The following ARPIN variants were observed in gnomAD, a reference collection of about 807,000 sequenced individuals.
ARPIN encodes the protein actin related protein 2/3 complex inhibitor, also known as UPF0552 protein C15orf38.
ARPIN carries 23 observed loss-of-function variants against 25.9 expected under a neutral mutation model. That is an observed-to-expected ratio of 0.89 (90% CI 0.64 to 1.26). The LOEUF is 1.26. ARPIN is among the 50% of genes most tolerant of loss of function. ARPIN has a pLI of 0.00. For missense variants in ARPIN, 333 were observed against 312.2 expected (o/e 1.07, Z -0.50); for synonymous variants, 126 against 131.4 (o/e 0.96, Z 0.28).
chr15:89,903,989 G>C lies in ARPIN; in HGVS notation c.302-6C>G. ...GTCCCCCTTGGCTTCCACCTCTGCAGGCACAGAGCGCAGGAGGGTCATTAT... is the reference window on the plus strand; with the variant it reads ...GTCCCCCTTGGCTTCCACCTCTGCACGCACAGAGCGCAGGAGGGTCATTAT... On this transcript the variant is annotated splice_region_variant and splice_polypyrimidine_tract_variant and intron_variant, in intron 3 of 5. Coordinates refer to ENST00000357484, the MANE Select transcript of ARPIN (RefSeq NM_182616.4). The C allele has an allele frequency of 6.2e-7, 1 of 1,601,972 alleles. No homozygotes were observed.
At chr15:89,908,531 AAGATGTTCAAGCTAGGC>A in intron 2 of ARPIN, 119 bp from the exon 3 acceptor site, 1 of 1,504,722 alleles carries the variant, frequency 6.6e-7, no homozygotes, top group East Asian at 2.3e-5. Flanking sequence ...TCAGCTCCAA[AAGATGTTCAAGCTAGGC>A]AGATGCTCCC....
At chr15:89,909,616 C>T (rs1278828516) in intron 2 of ARPIN, among the ~76,000 whole-genome samples, 1 of 152,218 alleles carries the variant, frequency 6.6e-6, no homozygotes, top group African/African-American at 2.4e-5. Context: ...CAGTGAGACC[C>T]TCAGAGATGT....
chr15:89,901,828 G>C (rs754353595), intron 5 of ARPIN, 25 bp from the exon 6 acceptor site: 8 of 1,613,444 alleles, frequency 5.0e-6, no homozygotes, highest in East Asian at 4.5e-5. Flanking sequence ...GGGGTAAAGA[G>C]ATGTGGAGAC....
Position 89,901,577 on chromosome 15 carries a change from G to GC in ARPIN, c.*217dup, listed in dbSNP as rs1482057182. 2 of 591,008 alleles carry GC rather than the reference G, an allele frequency of 3.4e-6. No homozygotes were observed. Among genetic ancestry groups the GC allele is most frequent in the Non-Finnish European group, 6.0e-6 (2 of 332,868 alleles). 36.6% of individuals were successfully genotyped at this position (591,008 alleles called of 1,614,324 possible). On this transcript the variant is annotated 3_prime_UTR_variant, in exon 6 of 6. Coordinates refer to ENST00000357484, the MANE Select transcript of ARPIN (RefSeq NM_182616.4). ...AGGCTAGACTCACATGCAGGGAGGG[G>GC]CCCTCCCTGAGCCACAGCATGAGGC...
At chr15:89,903,191 A>T in intron 5 of ARPIN, 25 bp downstream of exon 5, 1 of 1,614,124 alleles carries the variant, frequency 6.2e-7, no homozygotes, top group Non-Finnish European at 8.5e-7. Flanking sequence ...CAGGAGATAC[A>T]ACTGCACCAA....
intron 5 of ARPIN, among the ~76,000 whole-genome samples, chr15:89,902,332 C>T (rs1046084636): frequency 3.5e-4 from 53 of 152,084 alleles, no homozygotes; most frequent in African/African-American, 1.1e-3. Flanking sequence ...TGCTTGAACC[C>T]GGGAGGCAAA....
intron 5 of ARPIN, 75 bp from the exon 6 acceptor site, chr15:89,901,878 CA>C: frequency 6.4e-7 from 1 of 1,569,198 alleles, no homozygotes; most frequent in East Asian, 2.3e-5. Flanking sequence ...ATCAGACAAA[CA>C]AGGGTTCAAT....
At chr15:89,902,949 C>G in intron 5 of ARPIN, 1 of 1,398,044 alleles carries the variant, frequency 7.2e-7, no homozygotes, top group Non-Finnish European at 9.3e-7. Context: ...TGATTAATAT[C>G]CCTCTGCACC....
At position 89,899,208 on chromosome 15, in the gene ARPIN, C is replaced by T. The variant is rs537782426; in HGVS notation, c.*2587G>A. On this transcript the variant is annotated 3_prime_UTR_variant, in exon 6 of 6. Transcript: ENST00000357484. ...AAGAAATTCTCATGCCTCAGCCTCC[C>T]AAGGCGCTGGAACTACAGGCATGTG... 1 of 152,122 alleles carries T rather than the reference C, an allele frequency of 6.6e-6. No individual in the cohort carries two copies. 9.4% of individuals were successfully genotyped at this position (152,122 alleles called of 1,614,324 possible).
chr15:89,912,722 G>C (rs1255608644), intron 1 of ARPIN, 22 bp downstream of exon 1: 2 of 1,083,034 alleles, frequency 1.8e-6, no homozygotes, highest in Middle Eastern at 4.4e-4. Context: ...AGGCCGACCC[G>C]AGGCCGTGAG....
Position 89,896,015 on chromosome 15 carries a change from A to T in ARPIN, c.*5780T>A, listed in dbSNP as rs1250894332. 1.3e-5 allele frequency: 2 copies of T among 152,336 alleles called. No individual in the cohort carries two copies. Among genetic ancestry groups the T allele is most frequent in the Non-Finnish European group, 2.9e-5 (2 of 68,134 alleles). The allele number at this position is 152,336 out of a possible 1,614,324, so 9.4% of individuals were successfully genotyped here. A position where few individuals can be genotyped will look rare whatever the true frequency, so the allele number is the denominator to read the frequency against. Reference sequence around the variant, plus strand: ...ACAATTCTCCTGCTTCAGCCTCCCCAGTAGCTGGGATTACAGGCACATGCC... The same window carrying T: ...ACAATTCTCCTGCTTCAGCCTCCCCTGTAGCTGGGATTACAGGCACATGCC... On this transcript the variant is annotated 3_prime_UTR_variant, in exon 6 of 6. Transcript: ENST00000357484.
intron 2 of ARPIN, 152 bp from the exon 3 acceptor site, chr15:89,908,564 CCCCAAA>C: frequency 7.4e-7 from 1 of 1,356,710 alleles, no homozygotes; most frequent in Non-Finnish European, 9.9e-7. Context: ...CTCCCTCTGC[CCCCAAA>C]TACTTATGCA....
rs1157360339 is a variant in ARPIN, at chr15:89,899,800, G to C, written c.*1995C>G. On this transcript the variant is annotated 3_prime_UTR_variant, in exon 6 of 6. Transcript: ENST00000357484. ...CTCTCCATGGGATCACTGGCTTCCAGGATGTTAAGGATAAAGTCCCCAATT... is the reference window on the plus strand; with the variant it reads ...CTCTCCATGGGATCACTGGCTTCCACGATGTTAAGGATAAAGTCCCCAATT... 6.6e-6 allele frequency: 1 copy of C among 152,264 alleles called. No homozygotes were observed. Among genetic ancestry groups the C allele is most frequent in the African/African-American group, 2.4e-5 (1 of 41,430 alleles). The allele number at this position is 152,264 out of a possible 1,614,324, so 9.4% of individuals were successfully genotyped here. A position where few individuals can be genotyped will look rare whatever the true frequency, so the allele number is the denominator to read the frequency against.
At chr15:89,911,351 T>G (rs532460665) in intron 1 of ARPIN, among the ~76,000 whole-genome samples, 1 of 152,156 alleles carries the variant, frequency 6.6e-6, no homozygotes, top group Non-Finnish European at 1.5e-5. Flanking sequence ...TACTGAGAGG[T>G]GAAGAAACCA....
chr15:89,903,815 C>A lies in ARPIN; in HGVS notation c.470G>T (p.Gly157Val). ...ATCGCCCCGAGTCTTCAGCCGTACC[C>A]CGGCCCCCAGCTCGAGTTCCATCAC... is the stretch of plus-strand genomic sequence containing the variant. ...MEVMELELGA[G>V]VRLKTRGDGP... is the part of the protein sequence containing the mutation. The change falls in exon 4 of 6, where the codon GGG becomes GTG. Residue 157 changes from glycine (G) to valine (V), a missense_variant. By Grantham distance (109) the Gly-to-Val change is moderately radical. Coordinates refer to ENST00000357484, the MANE Select transcript of ARPIN (RefSeq NM_182616.4). The A allele has an allele frequency of 6.2e-7, 1 of 1,614,210 alleles. No homozygotes were observed. Among genetic ancestry groups the A allele is most frequent in the Non-Finnish European group, 8.5e-7 (1 of 1,180,042 alleles).
At chr15:89,910,894 C>G in intron 1 of ARPIN, 75 bp from the exon 2 acceptor site, 2 of 1,258,098 alleles carry the variant, frequency 1.6e-6, no homozygotes, top group African/African-American at 1.9e-5. Context: ...CTCCTATTTA[C>G]CCAGCCCTGA....
chr15:89,911,727 A>C (rs1242852524), intron 1 of ARPIN, among the ~76,000 whole-genome samples: 1 of 152,234 alleles, frequency 6.6e-6, no homozygotes, highest in Non-Finnish European at 1.5e-5. Flanking sequence ...CATGCTGTAC[A>C]TTAGGTCCCC....
chr15:89,903,661 T>C (rs1322941182), intron 4 of ARPIN, 116 bp downstream of exon 4: 1 of 1,498,058 alleles, frequency 6.7e-7, no homozygotes, highest in Non-Finnish European at 9.0e-7. Flanking sequence ...GGCTTGGTCG[T>C]GTCCCCATGG....
Position 89,895,427 on chromosome 15 carries a change from C to T in ARPIN, c.*6368G>A, listed in dbSNP as rs1020827682. On this transcript the variant is annotated 3_prime_UTR_variant, in exon 6 of 6. Transcript: ENST00000357484. ...TGATCTGTACAGGACCCTGGAACCA[C>T]ACTGCCCTGATTCAAAGCATGGTTC... The T allele has an allele frequency of 1.3e-5, 2 of 152,214 alleles. No individual in the cohort carries two copies. Among genetic ancestry groups the T allele is most frequent in the African/African-American group, 2.4e-5 (1 of 41,460 alleles). The allele number at this position is 152,214 out of a possible 1,614,324, so 9.4% of individuals were successfully genotyped here.
Sources: allele counts gnomAD v4.1 joint callset (sites outside exome capture counted in the v4.1 genomes callset), GRCh38; gene constraint gnomAD v4.1.1; transcripts MANE v1.5; gene names NCBI Gene and HGNC (gene_info 2026-07-23, HGNC 2026-07-21).